The following ZNF354B variants were observed in gnomAD, a reference collection of about 807,000 sequenced individuals.
ZNF354B encodes zinc finger protein 354B.
In ZNF354B, 10 loss-of-function variants were observed where a neutral mutation model predicts 12.9. The observed-to-expected ratio is 0.77, with a 90% CI of 0.48 to 1.31. The LOEUF (loss-of-function observed/expected upper bound fraction) is 1.31, where lower values mean the gene tolerates loss of function less well. ZNF354B is among the 40% of genes most tolerant of loss of function. The pLI, the probability that ZNF354B is intolerant of heterozygous loss-of-function variation, is 0.00. For synonymous variants in ZNF354B, 260 were observed against 243.7 expected, an observed-to-expected ratio of 1.07 and a Z score of -0.62; for missense variants, 614 against 711.7, an observed-to-expected ratio of 0.86 and a Z score of 1.56.
intron 1 of ZNF354B, among the ~76,000 whole-genome samples, chr5:178,860,344 G>A (rs13157348): frequency 0.36 from 54,870 of 151,744 alleles, 10,712 homozygotes; most frequent in Non-Finnish European, 0.45. Context: ...CGTGAACGCG[G>A]GGCCAGGCGT....
chr5:178,873,076 C>T (rs1210411848), intron 4 of ZNF354B, among the ~76,000 whole-genome samples: 1 of 152,158 alleles, frequency 6.6e-6, no homozygotes, highest in Non-Finnish European at 1.5e-5. Flanking sequence ...GCGTGAGTCA[C>T]CACACCTGGC....
Position 178,883,384 on chromosome 5 carries a change from C to T in ZNF354B, c.932C>T (p.Ser311Phe). 2 of 1,614,098 alleles carry T rather than the reference C, an allele frequency of 1.2e-6. No homozygotes were observed. The highest frequency in any genetic ancestry group is 1.7e-6 in the Non-Finnish European group (2 of 1,179,998). Residue 311 changes from serine (S) to phenylalanine (F), a missense_variant, in exon 5 of 5, where the codon TCT becomes TTT. Transcript: ENST00000322434. ...KECGKSFSRR[S>F]GLFIHQKIHA... The stretch of plus-strand genomic sequence containing the variant: ...TGTGGTAAATCCTTCAGTCGAAGGT[C>T]TGGGCTTTTTATACATCAAAAAATC...
Position 178,883,133 on chromosome 5 carries a change from A to T in ZNF354B, c.681A>T (p.Ser227=). Reference sequence around the variant, plus strand: ...GTGAAAAAGCCTTCATTCACAATTCATCCCTTCGTAAACATCAGAAAAACC... The same window carrying T: ...GTGAAAAAGCCTTCATTCACAATTCTTCCCTTCGTAAACATCAGAAAAACC... ...STCEKAFIHN[S]SLRKHQKNHT... The change falls in exon 5 of 5, where the codon TCA becomes TCT. Residue 227 remains serine, a synonymous_variant. Transcript: ENST00000322434. The T allele has an allele frequency of 1.2e-6, 2 of 1,612,732 alleles. No homozygotes were observed. Among genetic ancestry groups the T allele is most frequent in the East Asian group, 4.5e-5 (2 of 44,862 alleles).
intron 4 of ZNF354B, 66 bp from the exon 5 acceptor site, chr5:178,882,643 C>CT: frequency 6.8e-7 from 1 of 1,467,172 alleles, no homozygotes; most frequent in Non-Finnish European, 9.0e-7. Context: ...TTAATCCCTT[C>CT]TACACATTTA....
intron 4 of ZNF354B, among the ~76,000 whole-genome samples, chr5:178,870,117 A>G (rs1757539077): frequency 6.6e-6 from 1 of 152,050 alleles, no homozygotes; most frequent in African/African-American, 2.4e-5. Flanking sequence ...TTCGAGACCA[A>G]CCTCGGTAAC....
intron 2 of ZNF354B, among the ~76,000 whole-genome samples, chr5:178,861,578 C>A (rs1488826110): frequency 6.6e-6 from 1 of 152,146 alleles, no homozygotes; most frequent in Non-Finnish European, 1.5e-5. Context: ...AGACCGTTTT[C>A]ATTTTTGTGT....
chr5:178,862,657 CGCGCCTG>C (rs1468977516), intron 2 of ZNF354B, among the ~76,000 whole-genome samples: 5 of 152,204 alleles, frequency 3.3e-5, no homozygotes, highest in Admixed American at 2.0e-4. Context: ...TGTGAGCCGC[CGCGCCTG>C]GCGGCGTTAT....
At chr5:178,873,583 G>GTT (rs141701168) in intron 4 of ZNF354B, among the ~76,000 whole-genome samples, 1 of 152,026 alleles carries the variant, frequency 6.6e-6, no homozygotes, top group African/African-American at 2.4e-5. Flanking sequence ...TCACTTGGGC[G>GTT]TGTTGGGTTG....
intron 4 of ZNF354B, among the ~76,000 whole-genome samples, chr5:178,873,039 C>T (rs1356367503): frequency 2.6e-5 from 4 of 152,196 alleles, no homozygotes; most frequent in South Asian, 2.1e-4. Context: ...TCGCCTACCT[C>T]GGCCTCCCAG....
rs1209628350 is a variant in ZNF354B at position 178,883,378 on chromosome 5, G to A, written c.926G>A (p.Arg309Gln). 5.6e-6 allele frequency: 9 copies of A among 1,613,936 alleles called. No homozygotes were observed. Among genetic ancestry groups the A allele is most frequent in the African/African-American group, 5.3e-5 (4 of 74,908 alleles). Residue 309 changes from arginine (R) to glutamine (Q), a missense_variant, in exon 5 of 5, where the codon CGA (arginine) becomes CAA (glutamine). By Grantham distance (43) the Arg-to-Gln change is conservative. Coordinates refer to ENST00000322434, the MANE Select transcript of ZNF354B (RefSeq NM_058230.3). Reference sequence around the variant, plus strand: ...AAAGAATGTGGTAAATCCTTCAGTCGAAGGTCTGGGCTTTTTATACATCAA... The same window carrying A: ...AAAGAATGTGGTAAATCCTTCAGTCAAAGGTCTGGGCTTTTTATACATCAA... The part of the protein sequence containing the change: ...RCKECGKSFS[R>Q]RSGLFIHQKI...
rs940416733 is a variant in ZNF354B at position 178,884,809 on chromosome 5, A to G, written c.*518A>G. 2.6e-5 allele frequency: 4 copies of G among 152,372 alleles called. No homozygotes were observed. Among genetic ancestry groups the G allele is most frequent in the Admixed American group, 2.0e-4 (3 of 15,296 alleles). The allele number at this position is 152,372 out of a possible 1,614,324, so 9.4% of individuals were successfully genotyped here. A position where few individuals can be genotyped will look rare whatever the true frequency, so the allele number is the denominator to read the frequency against. On this transcript the variant is annotated 3_prime_UTR_variant, in exon 5 of 5. Transcript: ENST00000322434. ...CACTCCAGATGTGCTGACCCCTTCA[A>G]TTTCCCAAAATGTGGAAAACTCAAC...
chr5:178,862,319 TG>T (rs1207491275), intron 2 of ZNF354B, among the ~76,000 whole-genome samples: 2 of 151,448 alleles, frequency 1.3e-5, no homozygotes, highest in African/African-American at 4.9e-5. Flanking sequence ...TATGGGCAGA[TG>T]CAGCCACGCG....
chr5:178,861,706 G>A (rs533138644), intron 2 of ZNF354B, among the ~76,000 whole-genome samples: 2 of 152,316 alleles, frequency 1.3e-5, no homozygotes, highest in South Asian at 2.1e-4. Flanking sequence ...GGTTTCATGG[G>A]ATAGCAATAG....
intron 4 of ZNF354B, among the ~76,000 whole-genome samples, chr5:178,871,905 T>A (rs1757568784): frequency 6.6e-6 from 1 of 152,218 alleles, no homozygotes; most frequent in Non-Finnish European, 1.5e-5. Flanking sequence ...AATTTTACTT[T>A]TTTTAGAAAA....
rs1339567085 is a variant in ZNF354B, at chr5:178,880,196, CCTTTTCTTT to C, written c.257-2507_257-2499del. On this transcript the variant is annotated intron_variant, in intron 4 of 4. Transcript: ENST00000322434. ...TATTCGTCATCCAATTTCTTTTTTT[CCTTTTCTTT>C]CTTTTTTTTTTTTTAGACGGGGTCT... Among the ~76,000 whole-genome samples the C allele has an allele frequency of 1.6e-3, 236 of 151,814 alleles. 1 individual carries two copies. Among genetic ancestry groups the C allele is most frequent in the African/African-American group, 5.6e-3 (231 of 41,438 alleles).
intron 4 of ZNF354B, among the ~76,000 whole-genome samples, chr5:178,882,108 T>A (rs186981778): frequency 1.3e-5 from 2 of 152,358 alleles, no homozygotes; most frequent in Admixed American, 6.5e-5. Flanking sequence ...GTTGAGGAAG[T>A]ATCCCTCAGT....
At chr5:178,864,502 T>C (rs1043511720) in intron 2 of ZNF354B, among the ~76,000 whole-genome samples, 1 of 152,220 alleles carries the variant, frequency 6.6e-6, no homozygotes, top group Non-Finnish European at 1.5e-5. Context: ...GACACACGAC[T>C]GTGTACTCTA....
intron 4 of ZNF354B, 39 bp downstream of exon 4, chr5:178,867,110 A>G: frequency 1.3e-6 from 2 of 1,566,414 alleles, no homozygotes. Context: ...ATGGCCGCAG[A>G]CAATGGTCTG....
At chr5:178,877,716 A>T (rs930476501) in intron 4 of ZNF354B, among the ~76,000 whole-genome samples, 3 of 152,158 alleles carry the variant, frequency 2.0e-5, no homozygotes, top group Admixed American at 2.0e-4. Context: ...CACGCTAGGG[A>T]TGCTAGTACG....
Sources: allele counts gnomAD v4.1 joint callset (sites outside exome capture counted in the v4.1 genomes callset), GRCh38; gene constraint gnomAD v4.1.1; transcripts MANE v1.5; gene names NCBI Gene and HGNC (gene_info 2026-07-23, HGNC 2026-07-21).